RIMS2: variants seen among roughly 807,000 people sequenced by gnomAD.
RIMS2 encodes the protein regulating synaptic membrane exocytosis 2, also known as regulating synaptic membrane exocytosis protein 2.
A neutral mutation model predicts 174.4 loss-of-function variants in RIMS2; 59 were observed. The observed-to-expected ratio is 0.34, with a 90% CI of 0.27 to 0.42. The LOEUF (loss-of-function observed/expected upper bound fraction) is 0.42. RIMS2 is among the 10% of genes least tolerant of loss of function. RIMS2 has a pLI of 1.00. For missense variants in RIMS2, 1,620 were observed against 1,666.3 expected, an observed-to-expected ratio of 0.97 and a Z score of 0.48; for synonymous variants, 606 against 572.5, an observed-to-expected ratio of 1.06 and a Z score of -0.84.
chr8:104,015,736 C>A (rs543905801), intron 19 of RIMS2, among the ~76,000 whole-genome samples: 1 of 151,982 alleles, frequency 6.6e-6, no homozygotes, highest in South Asian at 2.1e-4. Context: ...TTTTTATGTA[C>A]CTTTTAACCA....
chr8:103,966,591 T>A lies in RIMS2; in HGVS notation c.2770+5458T>A, dbSNP rs1358582485. Among the ~76,000 whole-genome samples, 8 of 152,256 alleles carry A rather than the reference T, an allele frequency of 5.3e-5. No individual in the cohort carries two copies. In the East Asian group the frequency reaches 1.5e-3, roughly 29 times the overall value. ...CCAGATTCTGATTTTGTTGATTTTCTCTATTGATTTTCTGTTTTCAATTTT... is the reference window on the plus strand; with the variant it reads ...CCAGATTCTGATTTTGTTGATTTTCACTATTGATTTTCTGTTTTCAATTTT... On this transcript the variant is annotated intron_variant, in intron 15 of 23. Transcript: ENST00000504942.
At chr8:103,796,731 A>T (rs1279677101) in intron 3 of RIMS2, among the ~76,000 whole-genome samples, 2 of 152,220 alleles carry the variant, frequency 1.3e-5, no homozygotes, top group African/African-American at 2.4e-5. Flanking sequence ...CTTAGAGTAT[A>T]GCTGTGAACA....
intron 1 of RIMS2, among the ~76,000 whole-genome samples, chr8:103,598,525 G>A (rs1011253640): frequency 3.3e-5 from 5 of 152,116 alleles, no homozygotes. Flanking sequence ...TTATACTGTG[G>A]CAGGATTATA....
intron 3 of RIMS2, among the ~76,000 whole-genome samples, chr8:103,864,271 G>T (rs2099074314): frequency 6.6e-6 from 1 of 151,996 alleles, no homozygotes; most frequent in South Asian, 2.1e-4. Context: ...ACATGAGGTT[G>T]TTAGTTTGAG....
chr8:103,927,602 A>G (rs540397478), intron 10 of RIMS2, among the ~76,000 whole-genome samples: 1 of 151,674 alleles, frequency 6.6e-6, no homozygotes, highest in African/African-American at 2.4e-5. Flanking sequence ...TGTGAACTAC[A>G]TTTGAAAAAT....
chr8:104,245,148 C>A, intron 20 of RIMS2, 91 bp downstream of exon 26: 1 of 1,263,540 alleles, frequency 7.9e-7, no homozygotes, highest in Non-Finnish European at 1.1e-6. Context: ...CTCTCATGCT[C>A]TTCAGAACCA....
chr8:103,638,162 G>T (rs1426517762), intron 1 of RIMS2, among the ~76,000 whole-genome samples: 1 of 152,034 alleles, frequency 6.6e-6, no homozygotes, highest in Non-Finnish European at 1.5e-5. Context: ...TTGCAAGTGG[G>T]TCACTAATTT....
intron 14 of RIMS2, among the ~76,000 whole-genome samples, chr8:103,946,394 A>C (rs1185812564): frequency 6.6e-6 from 1 of 152,136 alleles, no homozygotes; most frequent in Non-Finnish European, 1.5e-5. Flanking sequence ...CAGGAAGCTG[A>C]AGCAGGATAA....
intron 1 of RIMS2, among the ~76,000 whole-genome samples, chr8:103,593,425 T>G (rs1299021027): frequency 6.6e-6 from 1 of 151,584 alleles, no homozygotes; most frequent in Non-Finnish European, 1.5e-5. Flanking sequence ...TTCATTGATA[T>G]GGTTTTGGTT....
intron 1 of RIMS2, among the ~76,000 whole-genome samples, chr8:103,612,983 T>G (rs2134271832): frequency 6.6e-6 from 1 of 152,260 alleles, no homozygotes; most frequent in Admixed American, 6.5e-5. Context: ...CTACGACCAC[T>G]GATACTGCTT....
intron 3 of RIMS2, among the ~76,000 whole-genome samples, chr8:103,781,216 C>G (rs1393083424): frequency 6.6e-6 from 1 of 152,134 alleles, no homozygotes; most frequent in Non-Finnish European, 1.5e-5. Flanking sequence ...GGGAAGTATT[C>G]CACACACTTC....
rs183034014 is a variant in RIMS2 at position 103,942,240 on chromosome 8, G to A, written c.2548-533G>A. Among the ~76,000 whole-genome samples, 80 of 152,246 alleles carry A rather than the reference G, an allele frequency of 5.3e-4. 1 individual carries two copies. The highest frequency in any genetic ancestry group is 5.2e-3 in the East Asian group (27 of 5,190). On this transcript the variant is annotated intron_variant, in intron 13 of 23. Transcript: ENST00000504942. Reference sequence around the variant, plus strand: ...AGCTCCCACTTAAAAGTGAGAATGCGTGGTATTTGGTTTTTTGTTCACACA... The same window carrying A: ...AGCTCCCACTTAAAAGTGAGAATGCATGGTATTTGGTTTTTTGTTCACACA...
At chr8:103,773,970 C>T (rs755550517) in intron 3 of RIMS2, among the ~76,000 whole-genome samples, 4 of 152,134 alleles carry the variant, frequency 2.6e-5, no homozygotes, top group East Asian at 3.9e-4. Flanking sequence ...GGTGAAACCC[C>T]GTCTCTACTA....
At chr8:103,594,819 C>G (rs2094422165) in intron 1 of RIMS2, among the ~76,000 whole-genome samples, 1 of 151,710 alleles carries the variant, frequency 6.6e-6, no homozygotes, top group Admixed American at 6.6e-5. Flanking sequence ...TTCTAAGTTG[C>G]CTAACCTTCA....
chr8:103,965,049 C>A (rs2154546320), intron 15 of RIMS2, among the ~76,000 whole-genome samples: 1 of 152,264 alleles, frequency 6.6e-6, no homozygotes, highest in South Asian at 2.1e-4. Flanking sequence ...CCACAGTGTC[C>A]TGATTACTGT....
At chr8:103,815,341 T>G (rs1470143852) in intron 3 of RIMS2, among the ~76,000 whole-genome samples, 1 of 152,188 alleles carries the variant, frequency 6.6e-6, no homozygotes, top group East Asian at 1.9e-4. Flanking sequence ...TTTGCATTCT[T>G]TTGATTACTT....
chr8:104,089,974 G>C (rs965993946), intron 19 of RIMS2, among the ~76,000 whole-genome samples: 1 of 151,520 alleles, frequency 6.6e-6, no homozygotes, highest in African/African-American at 2.4e-5. Context: ...CAAAGATGAG[G>C]AAGATACTGT....
chr8:104,008,464 A>G, intron 17 of RIMS2, among the ~76,000 whole-genome samples: 1 of 139,536 alleles, frequency 7.2e-6, no homozygotes, highest in Admixed American at 7.1e-5. Flanking sequence ...AATATCTTCA[A>G]AATATTTACA....
At chr8:104,174,832 T>A (rs2098866552) in intron 19 of RIMS2, among the ~76,000 whole-genome samples, 1 of 152,204 alleles carries the variant, frequency 6.6e-6, no homozygotes, top group Non-Finnish European at 1.5e-5. Context: ...TAGGGCTCCC[T>A]TCCTTTCAAT....
Sources: gnomAD v4.1 joint callset for allele counts (sites outside exome capture counted in the v4.1 genomes callset) on GRCh38, gnomAD v4.1.1 for gene constraint, MANE v1.5 for transcripts, NCBI Gene and HGNC (gene_info 2026-07-23, HGNC 2026-07-21) for gene names.